Variants in RSF1 observed in about 807,000 individuals in gnomAD.
RSF1 encodes HBV pX-associated protein 8.
A neutral mutation model predicts 145.2 loss-of-function variants in RSF1; 13 were observed. That is an observed-to-expected ratio of 0.09 (90% CI 0.06 to 0.14). RSF1 has a LOEUF of 0.14. Among genes scored for constraint, RSF1 ranks in the 10% least tolerant of loss-of-function variants. RSF1 has a pLI of 1.00. For missense variants in RSF1, 1,517 were observed against 1,718.2 expected (o/e 0.88, Z 2.07); for synonymous variants, 577 against 592.6 (o/e 0.97, Z 0.38).
In RSF1 at chr11:77,665,770, GCACACGCACACACACAAACACA is replaced by G. The variant is rs1199976470; in HGVS notation, c.*1125_*1146del. On this transcript the variant is annotated 3_prime_UTR_variant, in exon 16 of 16. Transcript: ENST00000308488. ...AGGAAATTCCAACACACACACACACGCACACGCACACACACAAACACACACACACGCTAAAACTCAAACTAAA... is the reference window on the plus strand; with the variant it reads ...AGGAAATTCCAACACACACACACACGCACACACGCTAAAACTCAAACTAAA... The G allele has an allele frequency of 6.9e-6, 1 of 144,088 alleles. No individual in the cohort carries two copies. Among genetic ancestry groups the G allele is most frequent in the East Asian group, 2.0e-4 (1 of 4,914 alleles). 8.9% of individuals were successfully genotyped at this position (144,088 alleles called of 1,614,324 possible). A position where few individuals can be genotyped will look rare whatever the true frequency, so the allele number is the denominator to read the frequency against.
intron 11 of RSF1, among the ~76,000 whole-genome samples, chr11:77,679,954 T>A (rs1050679850): frequency 1.3e-5 from 2 of 152,230 alleles, no homozygotes; most frequent in Non-Finnish European, 2.9e-5. Flanking sequence ...TACTAGCCTG[T>A]GTGGCTATTT....
In RSF1 at chr11:77,814,458, A is replaced by C. The variant is rs562521894; in HGVS notation, c.187+6070T>G. On this transcript the variant is annotated intron_variant, in intron 1 of 15. Coordinates refer to ENST00000308488, the MANE Select transcript of RSF1 (RefSeq NM_016578.4). ...TTCAAGGCCCTAACTCTGGGGGGGA[A>C]AAAAAAGGACAGAGTCTCGCTCTGT... Among the ~76,000 whole-genome samples the C allele has an allele frequency of 5.3e-5, 8 of 152,074 alleles. No individual in the cohort carries two copies. The South Asian group carries it at 1.5e-3, about 28-fold the overall frequency.
chr11:77,784,778 A>G (rs1296106071), intron 1 of RSF1, among the ~76,000 whole-genome samples: 1 of 152,036 alleles, frequency 6.6e-6, no homozygotes, highest in Non-Finnish European at 1.5e-5. Flanking sequence ...AGAATATTTC[A>G]CTCTGGTCAG....
rs750435691 is a variant in RSF1 at position 77,667,016 on chromosome 11, T to G, written c.4227A>C (p.Thr1409=). 6.2e-7 allele frequency: 1 copy of G among 1,613,466 alleles called. No individual in the cohort carries two copies. Among genetic ancestry groups the G allele is most frequent in the Non-Finnish European group, 8.5e-7 (1 of 1,179,436 alleles). ...GTGCTCCTGCCTCCTGCCCACCACT[T>G]GTCCCATTGGAGGCTAGGCTTGCAC... ...TASASLASNG[T]SGGQEAGAPE... is the part of the protein sequence containing the mutation. Residue 1409 remains threonine, a synonymous_variant, in exon 16 of 16, where the codon ACA becomes ACC. Transcript: ENST00000308488.
chr11:77,666,846 G>C lies in RSF1; in HGVS notation c.*71C>G, dbSNP rs558114669. 2 of 1,301,418 alleles carry C rather than the reference G, an allele frequency of 1.5e-6. No individual in the cohort carries two copies. Among genetic ancestry groups the C allele is most frequent in the East Asian group, 4.7e-5 (2 of 42,604 alleles). 80.6% of individuals were successfully genotyped at this position (1,301,418 alleles called of 1,614,324 possible). A position where few individuals can be genotyped will look rare whatever the true frequency, so the allele number is the denominator to read the frequency against. Reference sequence around the variant, plus strand: ...GGAGTTTTCTAGGAAAAATTAAACAGCTTTTAATAACTGGCCCGCTGGTGT... The same window carrying C: ...GGAGTTTTCTAGGAAAAATTAAACACCTTTTAATAACTGGCCCGCTGGTGT... On this transcript the variant is annotated 3_prime_UTR_variant, in exon 16 of 16. Coordinates refer to ENST00000308488, the MANE Select transcript of RSF1 (RefSeq NM_016578.4).
At chr11:77,674,889 C>G (rs367972687) in intron 14 of RSF1, 147 bp downstream of exon 14, 1 of 590,704 alleles carries the variant, frequency 1.7e-6, no homozygotes. Context: ...ATCCCAGCTA[C>G]TTGGGAGGCT....
chr11:77,814,512 C>T (rs1451845477), intron 1 of RSF1, among the ~76,000 whole-genome samples: 1 of 152,130 alleles, frequency 6.6e-6, no homozygotes, highest in Non-Finnish European at 1.5e-5. Flanking sequence ...GTGGCACCAT[C>T]TTGGCTCACT....
At chr11:77,780,153 G>C (rs1405903725) in intron 1 of RSF1, among the ~76,000 whole-genome samples, 1 of 152,084 alleles carries the variant, frequency 6.6e-6, no homozygotes, top group Non-Finnish European at 1.5e-5. Context: ...CTAGGACAGT[G>C]GCTAGCACAT....
chr11:77,785,029 C>G (rs1279486374), intron 1 of RSF1, among the ~76,000 whole-genome samples: 1 of 152,220 alleles, frequency 6.6e-6, no homozygotes, highest in Non-Finnish European at 1.5e-5. Context: ...TTTGCCTCCT[C>G]AACTGAGTGA....
chr11:77,835,791 T>G, the RSF1 span, among the ~76,000 whole-genome samples: 24 of 152,054 alleles, frequency 1.6e-4, no homozygotes, highest in Admixed American at 2.0e-4. Flanking sequence ...CGTGGTGGCA[T>G]GTACCTGTAA....
chr11:77,683,392 G>A (rs1413241331), intron 11 of RSF1, among the ~76,000 whole-genome samples: 1 of 151,598 alleles, frequency 6.6e-6, no homozygotes, highest in African/African-American at 2.4e-5. Flanking sequence ...CATTTGGAAA[G>A]GATCACTCTG....
intron 1 of RSF1, among the ~76,000 whole-genome samples, chr11:77,799,993 G>A (rs1002049145): frequency 6.6e-6 from 1 of 152,088 alleles, no homozygotes; most frequent in Non-Finnish European, 1.5e-5. Context: ...AGAGTAAAGA[G>A]ACTGAGTCAC....
At chr11:77,732,443 A>G (rs1364743686) in intron 4 of RSF1, among the ~76,000 whole-genome samples, 1 of 152,152 alleles carries the variant, frequency 6.6e-6, no homozygotes, top group Non-Finnish European at 1.5e-5. Context: ...ACTGTTGGGA[A>G]GGCATGATTG....
At chr11:77,774,916 G>A (rs1242104309) in intron 1 of RSF1, among the ~76,000 whole-genome samples, 3 of 150,212 alleles carry the variant, frequency 2.0e-5, no homozygotes, top group Non-Finnish European at 4.4e-5. Context: ...ACAGGCGCCC[G>A]CCACCATGCC....
At position 77,666,103 on chromosome 11, in the gene RSF1, A is replaced by T. The variant is rs1004178718; in HGVS notation, c.*814T>A. The T allele has an allele frequency of 6.6e-6, 1 of 152,234 alleles. No homozygotes were observed. Among genetic ancestry groups the T allele is most frequent in the Non-Finnish European group, 1.5e-5 (1 of 68,048 alleles). 9.4% of individuals were successfully genotyped at this position (152,234 alleles called of 1,614,324 possible). ...AAGAAAGACCACATTCATTTCACTA[A>T]TAACTCTCCATCAGACACAATATAT... On this transcript the variant is annotated 3_prime_UTR_variant, in exon 16 of 16. Transcript: ENST00000308488.
At chr11:77,787,664 A>G (rs1948470491) in intron 1 of RSF1, among the ~76,000 whole-genome samples, 1 of 152,176 alleles carries the variant, frequency 6.6e-6, no homozygotes, top group African/African-American at 2.4e-5. Flanking sequence ...AAGCTTAAAA[A>G]TCAAGATGCT....
chr11:77,805,790 A>T (rs1948671697), intron 1 of RSF1, among the ~76,000 whole-genome samples: 1 of 152,228 alleles, frequency 6.6e-6, no homozygotes, highest in South Asian at 2.1e-4. Flanking sequence ...TATGTAAGTT[A>T]CCAGACTTCT....
chr11:77,796,672 C>CAGAA (rs963824583), intron 1 of RSF1, among the ~76,000 whole-genome samples: 2 of 151,976 alleles, frequency 1.3e-5, no homozygotes, highest in Non-Finnish European at 2.9e-5. Context: ...AATCAGGCAA[C>CAGAA]AGAAAGAAAG....
rs1960402447 is a variant in RSF1 at position 77,700,842 on chromosome 11, G to A, written c.2387C>T (p.Ala796Val). The stretch of plus-strand genomic sequence containing the variant: ...TTCTCCTTCCCCTCTTTTTTTATCA[G>A]CTTTCTGATCTCTGATCTCAGCCAC... ...AKVAEIRDQK[A>V]DKKRGEGEDE... Residue 796 changes from alanine (A) to valine (V), a missense_variant, in exon 6 of 16, where the codon GCT becomes GTT. By Grantham distance (64) the Ala-to-Val change is moderately conservative. This residue lies in a region of RSF1 where 579 missense variants were observed against 553.5 expected (regional missense o/e 1.05). Coordinates refer to ENST00000308488, the MANE Select transcript of RSF1 (RefSeq NM_016578.4). 1 of 1,612,966 alleles carries A rather than the reference G, an allele frequency of 6.2e-7. No individual in the cohort carries two copies. Among genetic ancestry groups the A allele is most frequent in the South Asian group, 1.1e-5 (1 of 91,042 alleles).
Sources: gnomAD v4.1 joint callset for allele counts (sites outside exome capture counted in the v4.1 genomes callset) on GRCh38, gnomAD v4.1.1 for gene constraint, gnomAD v4.1.1 regional missense constraint, MANE v1.5 for transcripts, NCBI Gene and HGNC (gene_info 2026-07-23, HGNC 2026-07-21) for gene names.